The following AGPS variants were observed in gnomAD, a reference collection of about 807,000 sequenced individuals.
The protein encoded by AGPS is alkyldihydroxyacetonephosphate synthase, peroxisomal.
AGPS carries 26 observed loss-of-function variants against 90.7 expected under a neutral mutation model. The ratio of observed to expected loss-of-function variants is 0.29; its 90% CI spans 0.21 to 0.40. The LOEUF is 0.40. Among genes scored for constraint, AGPS ranks in the 10% least tolerant of loss-of-function variants. AGPS has a pLI of 1.00. For missense variants in AGPS, 540 were observed against 816.1 expected (o/e 0.66, Z 4.12); for synonymous variants, 294 against 285.3 (o/e 1.03, Z -0.31).
rs1574344510 is a variant in AGPS, at chr2:177,409,154, G to A, written c.261-11115G>A. 3.4e-5 allele frequency among the ~76,000 whole-genome samples: 3 copies of A among 88,800 alleles called. No homozygotes were observed. The Middle Eastern group carries it at 0.016, about 488-fold the overall frequency. The allele number at this position is 88,800 out of a possible 152,430, so 58.3% of individuals were successfully genotyped here. On this transcript the variant is annotated intron_variant, in intron 1 of 19. Transcript: ENST00000264167. ...ACTACCTGTCACTTAAAGTAGAAGG[G>A]GCTACTGCTGATTTTTTTTTTTAAT...
At chr2:177,448,821 A>G (rs566497499) in intron 8 of AGPS, among the ~76,000 whole-genome samples, 1 of 152,242 alleles carries the variant, frequency 6.6e-6, no homozygotes, top group South Asian at 2.1e-4. Context: ...TCTCCTTTAT[A>G]ATCCTTTCCC....
chr2:177,445,205 T>C (rs1342423212), intron 7 of AGPS, among the ~76,000 whole-genome samples: 1 of 152,216 alleles, frequency 6.6e-6, no homozygotes, highest in African/African-American at 2.4e-5. Context: ...AGCCAACACT[T>C]TATGTATTAT....
At chr2:177,517,523 G>C (rs773705764) in intron 17 of AGPS, among the ~76,000 whole-genome samples, 1 of 152,018 alleles carries the variant, frequency 6.6e-6, no homozygotes, top group African/African-American at 2.4e-5. Context: ...AAACTTAACT[G>C]ATCACCACGT....
intron 11 of AGPS, among the ~76,000 whole-genome samples, chr2:177,482,484 C>G (rs1687974255): frequency 6.6e-6 from 1 of 151,868 alleles, no homozygotes; most frequent in African/African-American, 2.4e-5. Context: ...CTTCAGATGA[C>G]TTTGCCTTTT....
Position 177,482,331 on chromosome 2 carries a change from C to G in AGPS, c.1233+145C>G, listed in dbSNP as rs1346914476. 3 of 438,542 alleles carry G rather than the reference C, an allele frequency of 6.8e-6. No individual in the cohort carries two copies. In the Admixed American group the frequency reaches 1.2e-4, roughly 17 times the overall value. 27.2% of individuals were successfully genotyped at this position (438,542 alleles called of 1,614,324 possible). Reference sequence around the variant, plus strand: ...TTATATTTGTGGTTTTTACCCAGTTCTATATGAAAAGGTAGTGTTGTACAG... The same window carrying G: ...TTATATTTGTGGTTTTTACCCAGTTGTATATGAAAAGGTAGTGTTGTACAG... On this transcript the variant is annotated intron_variant, in intron 11 of 19. Transcript: ENST00000264167.
intron 19 of AGPS, among the ~76,000 whole-genome samples, chr2:177,536,724 TC>T (rs1232981306): frequency 1.3e-5 from 2 of 152,060 alleles, no homozygotes; most frequent in African/African-American, 4.8e-5. Context: ...GAACTTCATT[TC>T]CCCCCGTCTT....
chr2:177,524,159 A>G (rs2079058874), intron 19 of AGPS, among the ~76,000 whole-genome samples: 1 of 152,196 alleles, frequency 6.6e-6, no homozygotes, highest in Non-Finnish European at 1.5e-5. Context: ...TTTTTCAGCC[A>G]CTATCGGAAT....
chr2:177,449,244 A>G (rs1686865668), intron 8 of AGPS, among the ~76,000 whole-genome samples: 1 of 152,180 alleles, frequency 6.6e-6, no homozygotes, highest in Non-Finnish European at 1.5e-5. Flanking sequence ...GTAGGTATAT[A>G]TTTACCTTTT....
Position 177,523,796 on chromosome 2 carries a change from C to T in AGPS, c.1846C>T (p.His616Tyr). Residue 616 changes from histidine to tyrosine, a missense_variant, in exon 19 of 20, where the codon CAC (histidine) becomes TAC (tyrosine). Physicochemically the swap from His to Tyr is moderately conservative, Grantham distance 83 (BLOSUM62 2). This residue lies in a region of AGPS where 405 missense variants were observed against 692.1 expected (regional missense o/e 0.59). Coordinates refer to ENST00000264167, the MANE Select transcript of AGPS (RefSeq NM_003659.4). ...TGCTAATGGAGGGAGCCTGTCACAT[C>T]ACCATGGAGGTATTCTTTTTTGGGA... is the stretch of plus-strand genomic sequence containing the variant. ...ILANGGSLSH[H>Y]HGVGKLRKQW... The T allele has an allele frequency of 6.2e-7, 1 of 1,613,436 alleles. No individual in the cohort carries two copies. The highest frequency in any genetic ancestry group is 8.5e-7 in the Non-Finnish European group (1 of 1,179,402).
At chr2:177,460,653 G>A (rs1374701329) in intron 8 of AGPS, among the ~76,000 whole-genome samples, 5 of 152,132 alleles carry the variant, frequency 3.3e-5, no homozygotes, top group African/African-American at 1.2e-4. Context: ...TTGAGTAACA[G>A]TAGTGTTTTA....
chr2:177,468,215 T>G (rs914648428), intron 9 of AGPS, among the ~76,000 whole-genome samples: 1 of 152,110 alleles, frequency 6.6e-6, no homozygotes, highest in Non-Finnish European at 1.5e-5. Flanking sequence ...GAATGGTTTT[T>G]CCCTCTTTTA....
chr2:177,446,560 G>A (rs879151861), intron 8 of AGPS, among the ~76,000 whole-genome samples: 2 of 152,152 alleles, frequency 1.3e-5, no homozygotes, highest in African/African-American at 4.8e-5. Flanking sequence ...TAGTGGTAAA[G>A]GATCAAGCCA....
chr2:177,413,795 A>G (rs1359198084), intron 1 of AGPS, among the ~76,000 whole-genome samples: 1 of 152,222 alleles, frequency 6.6e-6, no homozygotes, highest in African/African-American at 2.4e-5. Context: ...GTGAGTGGAT[A>G]TGTGGGTACA....
At chr2:177,395,208 A>G (rs1342226446) in intron 1 of AGPS, among the ~76,000 whole-genome samples, 1 of 152,174 alleles carries the variant, frequency 6.6e-6, no homozygotes, top group Non-Finnish European at 1.5e-5. Context: ...GGTTTTCCTT[A>G]TGGTTAGATT....
chr2:177,526,854 C>G (rs948028880), intron 19 of AGPS, among the ~76,000 whole-genome samples: 2 of 152,140 alleles, frequency 1.3e-5, no homozygotes, highest in Non-Finnish European at 2.9e-5. Context: ...GAATATTTGC[C>G]TAGGTGTTCT....
At chr2:177,502,566 G>A (rs376697875) in intron 14 of AGPS, among the ~76,000 whole-genome samples, 4 of 151,618 alleles carry the variant, frequency 2.6e-5, no homozygotes, top group East Asian at 1.9e-4. Context: ...ACAGGTGCAC[G>A]TCACCATGCC....
chr2:177,507,219 C>T (rs937503839), intron 15 of AGPS, among the ~76,000 whole-genome samples: 2 of 151,910 alleles, frequency 1.3e-5, no homozygotes, highest in Non-Finnish European at 2.9e-5. Context: ...GTTGAAATGA[C>T]TCATTTTACT....
chr2:177,485,579 T>G (rs990951749), intron 11 of AGPS, among the ~76,000 whole-genome samples: 1 of 152,114 alleles, frequency 6.6e-6, no homozygotes, highest in African/African-American at 2.4e-5. Context: ...TTAAAAAAAT[T>G]CTTAGGATGT....
chr2:177,444,974 C>T (rs563284566), intron 7 of AGPS, among the ~76,000 whole-genome samples: 91 of 152,138 alleles, frequency 6.0e-4, no homozygotes, highest in Non-Finnish European at 1.2e-3. Context: ...TTGTTTTGTA[C>T]ATGGGGTCTC....
Sources: allele counts gnomAD v4.1 joint callset (sites outside exome capture counted in the v4.1 genomes callset), GRCh38; gene constraint gnomAD v4.1.1; regional missense constraint gnomAD v4.1.1; transcripts MANE v1.5; gene names NCBI Gene and HGNC (gene_info 2026-07-23, HGNC 2026-07-21).